Variants in C2orf80 observed in about 807,000 individuals in gnomAD.
C2orf80 encodes the protein chromosome 2 open reading frame 80.
C2orf80 carries 28 observed loss-of-function variants against 30.2 expected under a neutral mutation model. That is an observed-to-expected ratio of 0.93 (90% CI 0.69 to 1.27). The LOEUF is 1.27. Ranked by LOEUF, C2orf80 falls within the 50% of genes most tolerant of loss-of-function variation. The pLI is 0.00. For missense variants in C2orf80, 220 were observed against 231.0 expected, an observed-to-expected ratio of 0.95 and a Z score of 0.31; for synonymous variants, 80 against 76.4, an observed-to-expected ratio of 1.05 and a Z score of -0.24.
In C2orf80 at chr2:208,181,282, G is replaced by A. The variant is rs1447549014; in HGVS notation, c.230C>T (p.Pro77Leu). The A allele has an allele frequency of 3.1e-6, 5 of 1,609,714 alleles. No homozygotes were observed. The highest frequency in any genetic ancestry group is 4.3e-6 in the Non-Finnish European group (5 of 1,176,230). Residue 77 changes from proline (P) to leucine (L), a missense_variant, in exon 5 of 9, where the codon CCC becomes CTC. By Grantham distance (98) the Pro-to-Leu change is moderately conservative (BLOSUM62 -3). Coordinates refer to ENST00000341287, the MANE Select transcript of C2orf80 (RefSeq NM_001099334.3). ...TCGTTCTCTACGATTTGGATATATG[G>A]GTCTGCCATGGAGTGGTATTTTCCT... ...EELKIPLHGRPIYPNRREREA... is the reference protein window; with the variant it reads ...EELKIPLHGRLIYPNRREREA...
At chr2:208,179,344 A>G (rs1696475231) in intron 6 of C2orf80, among the ~76,000 whole-genome samples, 1 of 152,252 alleles carries the variant, frequency 6.6e-6, no homozygotes. Context: ...CTTGAACTCT[A>G]CATGACCCCA....
At chr2:208,171,416 A>G (rs7421516) in intron 7 of C2orf80, among the ~76,000 whole-genome samples, 135,480 of 151,902 alleles carry the variant, frequency 0.89, 60,532 homozygotes, top group Non-Finnish European at 0.92. Context: ...TGCCTCCCAG[A>G]TTCAAGCGAT....
At chr2:208,177,828 A>T (rs908736574) in intron 6 of C2orf80, among the ~76,000 whole-genome samples, 12 of 146,810 alleles carry the variant, frequency 8.2e-5, no homozygotes, top group South Asian at 2.1e-4. Flanking sequence ...TTATTTATTT[A>T]TTTTTTATTT....
At chr2:208,173,892 G>C (rs1220003812) in intron 6 of C2orf80, among the ~76,000 whole-genome samples, 1 of 151,860 alleles carries the variant, frequency 6.6e-6, no homozygotes, top group African/African-American at 2.4e-5. Flanking sequence ...AATATATATT[G>C]GTAAGTGTTC....
intron 1 of C2orf80, among the ~76,000 whole-genome samples, chr2:208,188,383 C>T (rs1158333217): frequency 6.6e-6 from 1 of 151,902 alleles, no homozygotes; most frequent in Non-Finnish European, 1.5e-5. Flanking sequence ...CAACAGTAAG[C>T]AGAGAGCCAA....
At chr2:208,173,260 T>C (rs988598210) in intron 6 of C2orf80, among the ~76,000 whole-genome samples, 2 of 151,910 alleles carry the variant, frequency 1.3e-5, no homozygotes, top group Admixed American at 1.3e-4. Flanking sequence ...GCAGTATTAA[T>C]AAGTTTCTGA....
intron 8 of C2orf80, among the ~76,000 whole-genome samples, chr2:208,169,210 A>G (rs572952659): frequency 5.1e-4 from 66 of 129,918 alleles, no homozygotes; most frequent in African/African-American, 1.8e-3. Context: ...GGGGGTGTCT[A>G]TAAACCCCTG....
rs1442083257 is a variant in C2orf80 at position 208,171,055 on chromosome 2, A to G, written c.463T>C (p.Ser155Pro). The G allele has an allele frequency of 6.2e-7, 1 of 1,611,718 alleles. No homozygotes were observed. Among genetic ancestry groups the G allele is most frequent in the East Asian group, 2.2e-5 (1 of 44,882 alleles). Residue 155 changes from serine (S) to proline (P), a missense_variant, in exon 8 of 9, where the codon TCA (serine) becomes CCA (proline). Transcript: ENST00000341287. ...TTTTTATTTGTTGTTACCTTTCTTG[A>G]CTTGACACCTACAGACAGATGCAGT... is the stretch of plus-strand genomic sequence containing the variant. Reference protein sequence around the residue: ...AAYARKQSVKSRKVTTNKNAT... With the variant: ...AAYARKQSVKPRKVTTNKNAT...
intron 8 of C2orf80, among the ~76,000 whole-genome samples, chr2:208,170,445 C>T (rs7596591): frequency 0.89 from 135,009 of 152,160 alleles, 60,060 homozygotes; most frequent in Non-Finnish European, 0.92. Context: ...ATCAGATGGA[C>T]AGGGGAGGAG....
intron 3 of C2orf80, among the ~76,000 whole-genome samples, chr2:208,183,316 A>G (rs1221022986): frequency 1.2e-5 from 1 of 80,304 alleles, no homozygotes; most frequent in South Asian, 4.1e-4. Context: ...GATTTCTGTG[A>G]TTTGGAAAAG....
chr2:208,184,781 G>T (rs1352304038), intron 3 of C2orf80, among the ~76,000 whole-genome samples, 170 bp downstream of exon 3: 1 of 152,090 alleles, frequency 6.6e-6, no homozygotes, highest in Non-Finnish European at 1.5e-5. Flanking sequence ...TGGTTAGTGG[G>T]TTGAAATGAC....
rs112446076 is a variant in C2orf80 at position 208,169,367 on chromosome 2, G to A, written c.573+1578C>T. On this transcript the variant is annotated intron_variant, in intron 8 of 8. Coordinates refer to ENST00000341287, the MANE Select transcript of C2orf80 (RefSeq NM_001099334.3). ...TCTAAAACTTGCTGCTTCCAAACAC[G>A]TATAAAAAATGACCTCATTTTTCAA... Among the ~76,000 whole-genome samples the A allele has an allele frequency of 5.3e-3, 800 of 150,500 alleles. 11 individuals are homozygous for A. The highest frequency in any genetic ancestry group is 0.017 in the African/African-American group (695 of 41,186).
intron 2 of C2orf80, 116 bp from the exon 3 acceptor site, chr2:208,185,148 G>A (rs1036672371): frequency 1.5e-6 from 1 of 651,316 alleles, no homozygotes; most frequent in African/African-American, 1.8e-5. Context: ...AGAATTTGCA[G>A]ATGCTCTGGT....
chr2:208,166,656 A>G (rs930418964), intron 8 of C2orf80, among the ~76,000 whole-genome samples: 1 of 150,792 alleles, frequency 6.6e-6, no homozygotes, highest in African/African-American at 2.4e-5. Flanking sequence ...CTGTCCTGAC[A>G]CTTTTTTTTT....
chr2:208,170,359 C>G (rs1474102107), intron 8 of C2orf80, among the ~76,000 whole-genome samples: 1 of 152,188 alleles, frequency 6.6e-6, no homozygotes, highest in African/African-American at 2.4e-5. Flanking sequence ...ACAAAGAGCC[C>G]TCCTCCCTTT....
At chr2:208,168,605 G>A (rs1372010572) in intron 8 of C2orf80, 1 of 146,974 alleles carries the variant, frequency 6.8e-6, no homozygotes, top group African/African-American at 2.6e-5. Flanking sequence ...AGCTTGCAGT[G>A]AGCCAAGATT....
intron 1 of C2orf80, among the ~76,000 whole-genome samples, chr2:208,187,735 TG>T (rs1430591220): frequency 6.6e-6 from 1 of 152,082 alleles, no homozygotes; most frequent in African/African-American, 2.4e-5. Context: ...ATTTTATGGT[TG>T]GGCCTCTATG....
chr2:208,168,209 A>T (rs12694099), intron 8 of C2orf80, among the ~76,000 whole-genome samples: 150,086 of 152,286 alleles, frequency 0.99, 73,980 homozygotes, highest in Middle Eastern at 1. Context: ...GTAGCAAATA[A>T]TTAAATACCA....
intron 6 of C2orf80, among the ~76,000 whole-genome samples, chr2:208,176,946 T>TACATATGTGTAC (rs1696345280): frequency 1.2e-5 from 1 of 80,914 alleles, no homozygotes; most frequent in African/African-American, 4.1e-5. Context: ...CATATCTGTA[T>TACATATGTGTAC]ACATATCTGT....
Sources: gnomAD v4.1 joint callset for allele counts (sites outside exome capture counted in the v4.1 genomes callset) on GRCh38, gnomAD v4.1.1 for gene constraint, MANE v1.5 for transcripts, NCBI Gene and HGNC (gene_info 2026-07-23, HGNC 2026-07-21) for gene names.